The following RELN variants were observed in gnomAD, a reference collection of about 807,000 sequenced individuals.
RELN encodes reelin.
In RELN, 108 loss-of-function variants were observed where a neutral mutation model predicts 427.6. The ratio of observed to expected loss-of-function variants is 0.25; its 90% CI spans 0.22 to 0.30. The LOEUF is 0.30. Among genes scored for constraint, RELN ranks in the 10% least tolerant of loss-of-function variants. The probability of loss-of-function intolerance (pLI) is 1.00; values close to 1 mark genes in which losing one functional copy is unlikely to be tolerated. For synonymous variants in RELN, 1,524 were observed against 1,513.4 expected (o/e 1.01, Z -0.16); for missense variants, 3,715 against 4,302.8 (o/e 0.86, Z 3.82).
intron 42 of RELN, among the ~76,000 whole-genome samples, chr7:103,543,593 C>T (rs1562881869): frequency 1.3e-5 from 2 of 151,976 alleles, no homozygotes; most frequent in South Asian, 2.1e-4. Flanking sequence ...TGGCAGTTAG[C>T]CGAAGATTGT....
chr7:103,953,418 A>G lies in RELN; in HGVS notation c.226+35713T>C, dbSNP rs1796371442. On this transcript the variant is annotated intron_variant, in intron 1 of 64. Transcript: ENST00000428762. This position sits in a 1 kb window ranked among gnomAD's most constrained non-coding sequence, Gnocchi z 4.3. ...ATAACGTGATTCAATCACTTGTAAC[A>G]TTCAGTTTTCTTTGTAGCTTCATTG... Among the ~76,000 whole-genome samples the G allele has an allele frequency of 6.6e-6, 1 of 152,192 alleles. No individual in the cohort carries two copies. The highest frequency in any genetic ancestry group is 2.4e-5 in the African/African-American group (1 of 41,458).
chr7:103,800,869 T>C (rs1167075658), intron 3 of RELN, among the ~76,000 whole-genome samples: 1 of 151,984 alleles, frequency 6.6e-6, no homozygotes, highest in African/African-American at 2.4e-5. Flanking sequence ...ACAAAGAACT[T>C]AAACAAATTT....
intron 25 of RELN, 79 bp from the exon 26 acceptor site, chr7:103,594,571 TA>T: frequency 1.4e-6 from 2 of 1,439,506 alleles, no homozygotes; most frequent in Non-Finnish European, 1.9e-6. Flanking sequence ...ACAACAAGGG[TA>T]ACAACAAGAG....
At chr7:103,846,550 C>T (rs139409086) in intron 2 of RELN, among the ~76,000 whole-genome samples, 2,727 of 152,150 alleles carry the variant, frequency 0.018, 73 homozygotes, top group African/African-American at 0.061. Flanking sequence ...CCAAAAGCAA[C>T]GGCAACAAAA....
At chr7:103,882,610 T>C (rs1794633650) in intron 2 of RELN, among the ~76,000 whole-genome samples, 1 of 151,916 alleles carries the variant, frequency 6.6e-6, no homozygotes, top group Admixed American at 6.6e-5. Flanking sequence ...AAAGGAGAGA[T>C]CACCACTGAT....
At chr7:103,547,817 A>AACC (rs113198560) in intron 41 of RELN, among the ~76,000 whole-genome samples, 7,396 of 152,254 alleles carry the variant, frequency 0.049, 276 homozygotes, top group East Asian at 0.2. Flanking sequence ...AATACAAATG[A>AACC]ACCACCTTAG....
intron 4 of RELN, among the ~76,000 whole-genome samples, chr7:103,776,302 A>T (rs1791740975): frequency 6.6e-6 from 1 of 152,240 alleles, no homozygotes; most frequent in Admixed American, 6.5e-5. Context: ...TTGTACTTCC[A>T]GAATAACTAA....
intron 2 of RELN, among the ~76,000 whole-genome samples, chr7:103,908,564 C>T (rs1178847037): frequency 6.6e-6 from 1 of 152,144 alleles, no homozygotes; most frequent in Non-Finnish European, 1.5e-5. Context: ...CTAACTCCTC[C>T]ACCTTGGCTC....
chr7:103,859,985 C>T (rs1419040083), intron 2 of RELN, among the ~76,000 whole-genome samples: 2 of 152,096 alleles, frequency 1.3e-5, no homozygotes, highest in Admixed American at 6.6e-5. Context: ...AAAATATCAA[C>T]CCTATGTAAG....
In RELN at chr7:103,983,863, C is replaced by CTGTG. The variant is rs59702742; in HGVS notation, c.226+5264_226+5267dup. On this transcript the variant is annotated intron_variant, in intron 1 of 64. Transcript: ENST00000428762. ...ATGTGACACAAAGAACTTCATATTT[C>CTGTG]TGTGTGTGTGTGTGTGTGTGTGTGT... 9.9e-3 allele frequency among the ~76,000 whole-genome samples: 1,476 copies of CTGTG among 148,526 alleles called. 6 individuals are homozygous for CTGTG. Among genetic ancestry groups the CTGTG allele is most frequent in the Middle Eastern group, 0.031 (9 of 290 alleles).
At chr7:103,776,461 A>G in intron 4 of RELN, 96 bp downstream of exon 4, 4 of 1,237,492 alleles carry the variant, frequency 3.2e-6, no homozygotes, top group Non-Finnish European at 3.6e-6. Context: ...GCTTACGATT[A>G]AGTAATCATA....
In RELN at chr7:103,500,946, G is replaced by A. The variant is rs2117033546; in HGVS notation, c.8490-24C>T. ...GACTATTGACAATGCAAAAGCAAAGGAGTGAAAAACAAAAGTTAACTGTAT... is the reference window on the plus strand; with the variant it reads ...GACTATTGACAATGCAAAAGCAAAGAAGTGAAAAACAAAAGTTAACTGTAT... On this transcript the variant is annotated intron_variant, in intron 52 of 64. Transcript: ENST00000428762. 2.5e-6 allele frequency: 4 copies of A among 1,612,986 alleles called. No individual in the cohort carries two copies. In the East Asian group the frequency reaches 8.9e-5, roughly 36 times the overall value.
intron 4 of RELN, among the ~76,000 whole-genome samples, chr7:103,756,058 T>C (rs1311144704): frequency 1.3e-5 from 2 of 152,218 alleles, no homozygotes; most frequent in Non-Finnish European, 2.9e-5. Context: ...ATTAGATATG[T>C]ATAACAAAAT....
chr7:103,979,714 A>T (rs1489910385), intron 1 of RELN, among the ~76,000 whole-genome samples: 2 of 152,216 alleles, frequency 1.3e-5, no homozygotes, highest in Non-Finnish European at 2.9e-5. Flanking sequence ...GACTAACAAC[A>T]TTTACTGGAA....
intron 4 of RELN, among the ~76,000 whole-genome samples, chr7:103,772,598 A>G (rs1791596793): frequency 6.6e-6 from 1 of 152,160 alleles, no homozygotes; most frequent in South Asian, 2.1e-4. Flanking sequence ...GGAATCAAAG[A>G]TGTTTTCTCT....
chr7:103,608,459 A>G (rs1831870022), intron 22 of RELN, among the ~76,000 whole-genome samples: 2 of 152,164 alleles, frequency 1.3e-5, no homozygotes, highest in South Asian at 4.1e-4. Flanking sequence ...AGCAGAATTA[A>G]ATTACTTGTT....
chr7:103,769,983 G>A (rs1244014785), intron 4 of RELN, among the ~76,000 whole-genome samples: 1 of 152,066 alleles, frequency 6.6e-6, no homozygotes, highest in African/African-American at 2.4e-5. Context: ...CCACAGAATT[G>A]TCCCCACTTC....
intron 37 of RELN, 28 bp from the exon 38 acceptor site, chr7:103,557,187 A>G (rs765609776): frequency 6.4e-7 from 1 of 1,552,702 alleles, no homozygotes; most frequent in Non-Finnish European, 8.9e-7. Flanking sequence ...CAGGTATAAA[A>G]CATACTGTGA....
chr7:103,982,840 CT>C (rs1434146654), intron 1 of RELN, among the ~76,000 whole-genome samples: 1 of 152,116 alleles, frequency 6.6e-6, no homozygotes, highest in African/African-American at 2.4e-5. Context: ...CAATAATTTT[CT>C]TTTTAAACTG....
Sources: gnomAD v4.1 joint callset for allele counts (sites outside exome capture counted in the v4.1 genomes callset) on GRCh38, gnomAD v4.1.1 for gene constraint, Gnocchi (gnomAD v3.1) non-coding constraint, MANE v1.5 for transcripts, NCBI Gene and HGNC (gene_info 2026-07-23, HGNC 2026-07-21) for gene names.